The following TENM3 variants were observed in gnomAD, a reference collection of about 807,000 sequenced individuals.
TENM3 encodes the protein teneurin transmembrane protein 3.
Under a neutral mutation model 255.1 loss-of-function variants are expected in TENM3, and 63 were observed. That is an observed-to-expected ratio of 0.25 (90% CI 0.20 to 0.30). TENM3 has a LOEUF of 0.30. Among genes scored for constraint, TENM3 ranks in the 10% least tolerant of loss-of-function variants. TENM3 has a pLI of 1.00. For synonymous variants in TENM3, 1,306 were observed against 1,322.3 expected, an observed-to-expected ratio of 0.99 and a Z score of 0.27; for missense variants, 2,929 against 3,461.1, an observed-to-expected ratio of 0.85 and a Z score of 3.86.
chr4:181,605,292 A>G, the TENM3 span, among the ~76,000 whole-genome samples: 2 of 151,626 alleles, frequency 1.3e-5, no homozygotes, highest in Non-Finnish European at 2.9e-5. Flanking sequence ...AAAAAGAAAA[A>G]AGAAAAAAAA....
At chr4:181,953,926 C>T in the TENM3 span, among the ~76,000 whole-genome samples, 1 of 152,044 alleles carries the variant, frequency 6.6e-6, no homozygotes, top group African/African-American at 2.4e-5. Flanking sequence ...TTCTTGTGAC[C>T]CTTCTCAGTC....
intron 26 of TENM3, 59 bp from the exon 27 acceptor site, chr4:182,796,578 A>C: frequency 1.4e-6 from 2 of 1,439,394 alleles, no homozygotes; most frequent in Non-Finnish European, 1.8e-6. Context: ...TAAGAATTTA[A>C]ATTTATGAAA....
Position 182,773,328 on chromosome 4 carries a change from T to TGAA in TENM3, c.4893-142_4893-140dup, listed in dbSNP as rs1472736978. On this transcript the variant is annotated intron_variant, in intron 22 of 27. Coordinates refer to ENST00000511685, the MANE Select transcript of TENM3 (RefSeq NM_001080477.4). ...GTTTTTGATTACTTCAAAGCATGTT[T>TGAA]GAAGTCTTCACTCTGCATCGCTCAT... The TGAA allele has an allele frequency of 8.7e-6, 6 of 690,942 alleles. No homozygotes were observed. In the Admixed American group the frequency reaches 2.0e-4, roughly 23 times the overall value. The allele number at this position is 690,942 out of a possible 1,614,324, so 42.8% of individuals were successfully genotyped here. A position where few individuals can be genotyped will look rare whatever the true frequency, so the allele number is the denominator to read the frequency against.
At chr4:182,385,929 A>T (rs1436645058) in intron 3 of TENM3, among the ~76,000 whole-genome samples, 2 of 152,228 alleles carry the variant, frequency 1.3e-5, no homozygotes, top group Non-Finnish European at 2.9e-5. Context: ...TCCAAACTAC[A>T]TTTTAAAAAT....
chr4:182,561,356 A>G (rs1174017879), intron 3 of TENM3, among the ~76,000 whole-genome samples: 3 of 151,850 alleles, frequency 2.0e-5, no homozygotes, highest in Non-Finnish European at 4.4e-5. Context: ...AATATAGAAT[A>G]GCATAGGAAA....
At chr4:182,089,104 C>G in the TENM3 span, among the ~76,000 whole-genome samples, 1 of 152,036 alleles carries the variant, frequency 6.6e-6, no homozygotes, top group African/African-American at 2.4e-5. Flanking sequence ...CTCACCAGAC[C>G]CTGAATCAAT....
At chr4:181,652,426 A>G in the TENM3 span, among the ~76,000 whole-genome samples, 2 of 152,208 alleles carry the variant, frequency 1.3e-5, no homozygotes, top group East Asian at 3.8e-4. Flanking sequence ...ATCAAGACAA[A>G]GACCAAATAA....
chr4:182,055,504 G>T, the TENM3 span, among the ~76,000 whole-genome samples: 3 of 152,100 alleles, frequency 2.0e-5, no homozygotes, highest in Non-Finnish European at 4.4e-5. Flanking sequence ...TTGAGGTCCT[G>T]CCTTGATGAT....
chr4:181,533,659 T>G, the TENM3 span, among the ~76,000 whole-genome samples: 1 of 152,018 alleles, frequency 6.6e-6, no homozygotes, highest in Non-Finnish European at 1.5e-5. Context: ...AGATGTAAGC[T>G]ACTGCCAAAT....
chr4:182,317,412 G>T (rs1015015887), intron 1 of TENM3, among the ~76,000 whole-genome samples: 1 of 151,938 alleles, frequency 6.6e-6, no homozygotes, highest in Non-Finnish European at 1.5e-5. Flanking sequence ...TGATCCTCCC[G>T]TCTCAGCCAC....
chr4:181,503,780 G>A, the TENM3 span, among the ~76,000 whole-genome samples: 1 of 152,130 alleles, frequency 6.6e-6, no homozygotes, highest in Admixed American at 6.5e-5. Flanking sequence ...TCATGCCAGT[G>A]GTTCTCAGCC....
At chr4:182,256,251 A>G (rs1758388058) in intron 1 of TENM3, among the ~76,000 whole-genome samples, 1 of 152,370 alleles carries the variant, frequency 6.6e-6, no homozygotes, top group African/African-American at 2.4e-5. Context: ...AGAAGAATAG[A>G]TGAAATTTGA....
At chr4:182,050,966 T>C in the TENM3 span, among the ~76,000 whole-genome samples, 1 of 152,186 alleles carries the variant, frequency 6.6e-6, no homozygotes, top group African/African-American at 2.4e-5. Context: ...CCACATTCTG[T>C]TGAGTCCTCA....
At chr4:181,925,728 T>C in the TENM3 span, among the ~76,000 whole-genome samples, 11 of 152,216 alleles carry the variant, frequency 7.2e-5, no homozygotes, top group African/African-American at 2.7e-4. Context: ...AACATTTTAT[T>C]TGGCAAAGCA....
the TENM3 span, among the ~76,000 whole-genome samples, chr4:181,888,024 C>A: frequency 6.6e-6 from 1 of 151,878 alleles, no homozygotes; most frequent in Non-Finnish European, 1.5e-5. Context: ...TCTATTCTAG[C>A]CTATTGTTTT....
At chr4:182,207,327 G>T (rs2149865218) in intron 1 of TENM3, among the ~76,000 whole-genome samples, 1 of 152,310 alleles carries the variant, frequency 6.6e-6, no homozygotes, top group South Asian at 2.1e-4. Context: ...TATTTAGGCA[G>T]CTCTAGGTTC....
chr4:182,671,508 G>A (rs1021728144), intron 6 of TENM3, among the ~76,000 whole-genome samples: 2 of 152,118 alleles, frequency 1.3e-5, no homozygotes, highest in Non-Finnish European at 2.9e-5. Context: ...CAGTGATAGT[G>A]CCTTTCTCTG....
intron 22 of TENM3, among the ~76,000 whole-genome samples, chr4:182,772,077 C>G (rs1328506515): frequency 6.6e-6 from 1 of 152,182 alleles, no homozygotes; most frequent in Non-Finnish European, 1.5e-5. Flanking sequence ...CCTTCCTCCT[C>G]TCTTTCTTCC....
the TENM3 span, among the ~76,000 whole-genome samples, chr4:182,053,852 C>A: frequency 6.6e-6 from 1 of 152,110 alleles, no homozygotes; most frequent in African/African-American, 2.4e-5. Context: ...AACTCATTTC[C>A]GTTTAAATCC....
Sources: gnomAD v4.1 joint callset for allele counts (sites outside exome capture counted in the v4.1 genomes callset) on GRCh38, gnomAD v4.1.1 for gene constraint, MANE v1.5 for transcripts, NCBI Gene and HGNC (gene_info 2026-07-23, HGNC 2026-07-21) for gene names.